Variants in DARS2 observed in about 807,000 individuals in gnomAD.
The protein encoded by DARS2 is aspartyl-tRNA synthetase 2, mitochondrial.
Under a neutral mutation model 83.0 loss-of-function variants are expected in DARS2, and 63 were observed. That is an observed-to-expected ratio of 0.76 (90% confidence interval 0.62 to 0.94). The LOEUF (loss-of-function observed/expected upper bound fraction) is 0.94, where lower values mean the gene tolerates loss of function less well. Among genes scored for constraint, DARS2 ranks in the 40% least tolerant of loss-of-function variants. The pLI, the probability that DARS2 is intolerant of heterozygous loss-of-function variation, is 0.00. For missense variants in DARS2, 675 were observed against 774.4 expected (o/e 0.87, Z 1.52); for synonymous variants, 250 against 269.3 (o/e 0.93, Z 0.70).
At chr1:173,852,564 T>C (rs6425261) in intron 13 of DARS2, among the ~76,000 whole-genome samples, 48,298 of 151,656 alleles carry the variant, frequency 0.32, 8,766 homozygotes, top group African/African-American at 0.5. Flanking sequence ...TACAGTGGTG[T>C]GATCTCAGCT....
intron 11 of DARS2, among the ~76,000 whole-genome samples, chr1:173,842,284 C>CTTTTCTT (rs1653251746): frequency 1.6e-5 from 1 of 64,224 alleles, no homozygotes; most frequent in Non-Finnish European, 2.7e-5. Context: ...TCATTACTTT[C>CTTTTCTT]TTTTTTTTTT....
chr1:173,840,769 C>G (rs1653172796), intron 10 of DARS2, 97 bp from the exon 11 acceptor site: 5 of 740,156 alleles, frequency 6.8e-6, no homozygotes, highest in Admixed American at 2.0e-5. Flanking sequence ...GTTAAATTAT[C>G]AAGATCTATT....
At chr1:173,829,204 AGTGTGTGTGTGT>A (rs10653648) in intron 3 of DARS2, among the ~76,000 whole-genome samples, 2 of 148,344 alleles carry the variant, frequency 1.3e-5, no homozygotes, top group Non-Finnish European at 3.0e-5. Context: ...ATATACATTC[AGTGTGTGTGTGT>A]GTGTGTGTGT....
At chr1:173,853,307 C>G (rs1351916958) in intron 13 of DARS2, 42 bp from the exon 14 acceptor site, 5 of 1,590,480 alleles carry the variant, frequency 3.1e-6, no homozygotes, top group African/African-American at 1.3e-5. Context: ...CCTGCCTGCT[C>G]TGTCAAGAAG....
intron 6 of DARS2, 22 bp downstream of exon 6, chr1:173,833,521 T>C (rs775378730): frequency 2.5e-6 from 4 of 1,614,064 alleles, no homozygotes; most frequent in South Asian, 2.2e-5. Context: ...GCCTGGATGC[T>C]CTTTGGAGCT....
At chr1:173,834,037 C>T (rs760576437) in intron 6 of DARS2, among the ~76,000 whole-genome samples, 6 of 152,148 alleles carry the variant, frequency 3.9e-5, no homozygotes, top group Non-Finnish European at 7.4e-5. Context: ...GCTGGGATTA[C>T]AGGCATGAAC....
rs192482469 is a variant in DARS2, at chr1:173,828,636, A to G, written c.294+237A>G. The stretch of plus-strand genomic sequence containing the variant: ...AAAAATATATAAATGGCTTGTAGAC[A>G]TAATGAAAGTATGCCCAGCCTCACT... On this transcript the variant is annotated intron_variant, in intron 3 of 16. Coordinates refer to ENST00000649689, the MANE Select transcript of DARS2 (RefSeq NM_018122.5). Among the ~76,000 whole-genome samples, 16 of 152,358 alleles carry G rather than the reference A, an allele frequency of 1.1e-4. No homozygotes were observed. The East Asian group carries it at 2.7e-3, about 26-fold the overall frequency.
chr1:173,838,738 ATTTAT>A (rs1033809266), intron 9 of DARS2, among the ~76,000 whole-genome samples: 1 of 151,606 alleles, frequency 6.6e-6, no homozygotes, highest in Non-Finnish European at 1.5e-5. Context: ...ATATTATTTT[ATTTAT>A]TTTATTTTTT....
In DARS2 at chr1:173,829,252, G is replaced by A. The variant is rs371343288; in HGVS notation, c.294+853G>A. Among the ~76,000 whole-genome samples, 4 of 151,526 alleles carry A rather than the reference G, an allele frequency of 2.6e-5. 1 individual carries two copies. Among genetic ancestry groups the A allele is most frequent in the African/African-American group, 9.7e-5 (4 of 41,242 alleles). Reference sequence around the variant, plus strand: ...GTGTATTTGCTTGTATATATGTTAGGAAATGTCTCTGGAAGGATACCTAAG... The same window carrying A: ...GTGTATTTGCTTGTATATATGTTAGAAAATGTCTCTGGAAGGATACCTAAG... On this transcript the variant is annotated intron_variant, in intron 3 of 16. Coordinates refer to ENST00000649689, the MANE Select transcript of DARS2 (RefSeq NM_018122.5).
intron 13 of DARS2, among the ~76,000 whole-genome samples, chr1:173,852,785 G>A (rs1653723697): frequency 6.6e-6 from 1 of 152,106 alleles, no homozygotes; most frequent in Non-Finnish European, 1.5e-5. Flanking sequence ...TTACAGGTGT[G>A]AGCCACTGCA....
At chr1:173,825,847 T>A (rs1652513076) in intron 1 of DARS2, among the ~76,000 whole-genome samples, 1 of 152,040 alleles carries the variant, frequency 6.6e-6, no homozygotes, top group Non-Finnish European at 1.5e-5. Flanking sequence ...CGGCAGTTTT[T>A]TTTCCCTGAG....
intron 8 of DARS2, 27 bp from the exon 9 acceptor site, chr1:173,838,163 T>C: frequency 6.4e-7 from 1 of 1,570,012 alleles, no homozygotes; most frequent in Non-Finnish European, 8.8e-7. Context: ...GAATCATAAC[T>C]CAATTAATGC....
In DARS2 at chr1:173,857,087, C is replaced by T. The variant is rs1653882918; in HGVS notation, c.1750+346C>T. 2.0e-5 allele frequency among the ~76,000 whole-genome samples: 3 copies of T among 152,186 alleles called. No homozygotes were observed. The South Asian group carries it at 6.2e-4, about 32-fold the overall frequency. Reference sequence around the variant, plus strand: ...ATGAAAACAGGAAGATGCCAGTGTCCTTCTGATTGCCATGGTTACTCACTT... The same window carrying T: ...ATGAAAACAGGAAGATGCCAGTGTCTTTCTGATTGCCATGGTTACTCACTT... On this transcript the variant is annotated intron_variant, in intron 16 of 16. Transcript: ENST00000649689.
In DARS2 at chr1:173,824,700, C is replaced by T. The variant is rs1007816262; in HGVS notation, c.-530C>T. On this transcript the variant is annotated 5_prime_UTR_variant, in exon 1 of 17. Coordinates refer to ENST00000649689, the MANE Select transcript of DARS2 (RefSeq NM_018122.5). Reference sequence around the variant, plus strand: ...AGGGCGCTTGGACCCCAGCGGCGATCTGTGTTTGGGTTCGCGCTCTGGGAG... The same window carrying T: ...AGGGCGCTTGGACCCCAGCGGCGATTTGTGTTTGGGTTCGCGCTCTGGGAG... The T allele has an allele frequency of 1.8e-5, 3 of 165,588 alleles. No homozygotes were observed. In the South Asian group the frequency reaches 4.0e-4, roughly 22 times the overall value. 10.3% of individuals were successfully genotyped at this position (165,588 alleles called of 1,614,324 possible).
chr1:173,857,860 G>A lies in DARS2; in HGVS notation c.*155G>A. ...CATTCTTCACCACAACGAAGAAACA[G>A]ATAAAAGATACCCAATTTTGACTTG... On this transcript the variant is annotated 3_prime_UTR_variant, in exon 17 of 17. Transcript: ENST00000649689. 2.4e-6 allele frequency: 2 copies of A among 817,634 alleles called. No homozygotes were observed. Among genetic ancestry groups the A allele is most frequent in the South Asian group, 3.2e-5 (2 of 62,832 alleles). 50.6% of individuals were successfully genotyped at this position (817,634 alleles called of 1,614,324 possible). A position where few individuals can be genotyped will look rare whatever the true frequency, so the allele number is the denominator to read the frequency against.
chr1:173,842,317 T>TTTTTTTTTTTTTTTTTTTTTTTTTTTTG (rs1304745729), intron 11 of DARS2, among the ~76,000 whole-genome samples: 4 of 116,626 alleles, frequency 3.4e-5, no homozygotes, highest in African/African-American at 1.3e-4. Context: ...TTTTTTTTTT[T>TTTTTTTTTTTTTTTTTTTTTTTTTTTTG]AGAGTGAGTC....
At chr1:173,835,851 T>C (rs769760601) in intron 7 of DARS2, among the ~76,000 whole-genome samples, 31 of 151,846 alleles carry the variant, frequency 2.0e-4, no homozygotes, top group Admixed American at 1.8e-3. Flanking sequence ...GTCAGGAGTT[T>C]AAGACCCGCC....
intron 3 of DARS2, among the ~76,000 whole-genome samples, chr1:173,829,508 GGT>G (rs1182718385): frequency 1.3e-5 from 2 of 152,098 alleles, no homozygotes; most frequent in African/African-American, 4.8e-5. Flanking sequence ...GGCCAGGCAT[GGT>G]GGCTCACACC....
chr1:173,853,668 C>A, intron 14 of DARS2, 101 bp downstream of exon 14: 1 of 1,508,010 alleles, frequency 6.6e-7, no homozygotes, highest in South Asian at 1.1e-5. Flanking sequence ...GTTCTGGAAG[C>A]CCCAGAAGAA....
Sources: gnomAD v4.1 joint callset for allele counts (sites outside exome capture counted in the v4.1 genomes callset) on GRCh38, gnomAD v4.1.1 for gene constraint, MANE v1.5 for transcripts, NCBI Gene and HGNC (gene_info 2026-07-23, HGNC 2026-07-21) for gene names.